Variants in ANO3 observed in about 807,000 individuals in gnomAD.
The protein encoded by ANO3 is anoctamin-3.
In ANO3, 99 loss-of-function variants were observed where a neutral mutation model predicts 144.8. The observed-to-expected ratio is 0.68, with a 90% CI of 0.58 to 0.81. ANO3 has a LOEUF of 0.81. Ranked by LOEUF, ANO3 falls within the 30% of genes least tolerant of loss-of-function variation. The pLI, the probability that ANO3 is intolerant of heterozygous loss-of-function variation, is 0.00. For synonymous variants in ANO3, 414 were observed against 392.6 expected (o/e 1.05, Z -0.64); for missense variants, 905 against 1,202.2 (o/e 0.75, Z 3.66).
intron 4 of ANO3, among the ~76,000 whole-genome samples, chr11:26,467,657 CT>C (rs71047851): frequency 7.8e-4 from 113 of 145,590 alleles, no homozygotes; most frequent in East Asian, 1.0e-3. Flanking sequence ...ATATGTTCCA[CT>C]TTTTTTTTTT....
rs779070256 is a variant in ANO3, at chr11:26,635,053, C to T, written c.2026C>T (p.Arg676Trp). Residue 676 changes from arginine to tryptophan, a missense_variant, in exon 20 of 27, where the codon CGG becomes TGG. Arg to Trp is a moderately radical substitution (Grantham distance 101). Around this residue, in one of 4 missense-constraint regions of ANO3, gnomAD observed 597 missense variants for 865.1 expected, o/e 0.69. Coordinates refer to ENST00000256737, the MANE Select transcript of ANO3 (RefSeq NM_031418.4). Reference protein sequence around the residue: ...HPGKYNKLFDRWRLEECHPSG... With the variant: ...HPGKYNKLFDWWRLEECHPSG... Reference sequence around the variant, plus strand: ...AGGAAAATACAATAAACTTTTTGACCGGTGGAGACTGGAGGAAGTAAGTAA... The same window carrying T: ...AGGAAAATACAATAAACTTTTTGACTGGTGGAGACTGGAGGAAGTAAGTAA... The T allele has an allele frequency of 1.2e-5, 20 of 1,613,196 alleles. No individual in the cohort carries two copies. Among genetic ancestry groups the T allele is most frequent in the East Asian group, 2.2e-5 (1 of 44,882 alleles).
chr11:26,408,289 A>T (rs1857341781), intron 1 of ANO3, among the ~76,000 whole-genome samples: 1 of 151,832 alleles, frequency 6.6e-6, no homozygotes, highest in African/African-American at 2.4e-5. Context: ...AAAAAAACAA[A>T]CAACCCCATC....
intron 1 of ANO3, among the ~76,000 whole-genome samples, chr11:26,424,110 C>T (rs1222430289): frequency 4.0e-5 from 6 of 151,770 alleles, no homozygotes; most frequent in African/African-American, 1.2e-4. Flanking sequence ...TATTTATCTC[C>T]AACTCGGATT....
At chr11:26,284,329 G>A (rs191209536) in intron 1 of ANO3, among the ~76,000 whole-genome samples, 6 of 152,278 alleles carry the variant, frequency 3.9e-5, no homozygotes, top group Non-Finnish European at 7.3e-5. Flanking sequence ...AATAAAACAC[G>A]AATTCCTAAT....
chr11:26,327,066 A>C (rs1033688153), intron 1 of ANO3, among the ~76,000 whole-genome samples: 3 of 152,242 alleles, frequency 2.0e-5, no homozygotes, highest in Non-Finnish European at 4.4e-5. Context: ...GTAAATTTCA[A>C]AGTGCAATTA....
chr11:26,321,202 C>T (rs1285781206), intron 1 of ANO3, among the ~76,000 whole-genome samples: 2 of 151,950 alleles, frequency 1.3e-5, no homozygotes, highest in Non-Finnish European at 2.9e-5. Context: ...CCTACTTGAT[C>T]CCTCCCCAAT....
At chr11:26,659,832 T>G (rs1024100891) in intron 26 of ANO3, among the ~76,000 whole-genome samples, 6 of 152,146 alleles carry the variant, frequency 3.9e-5, no homozygotes, top group African/African-American at 1.4e-4. Context: ...TGAGTTTGAG[T>G]CTAATGCTAG....
At chr11:26,529,532 G>T (rs1280885407) in intron 7 of ANO3, among the ~76,000 whole-genome samples, 4 of 136,308 alleles carry the variant, frequency 2.9e-5, no homozygotes, top group Non-Finnish European at 6.1e-5. Flanking sequence ...CTTGCTGCCT[G>T]CCCACTGCTA....
chr11:26,612,227 G>A (rs1428853474), intron 17 of ANO3, among the ~76,000 whole-genome samples: 1 of 151,866 alleles, frequency 6.6e-6, no homozygotes, highest in East Asian at 1.9e-4. Context: ...ATGGTTTTCT[G>A]TGGTGCTATG....
rs58028308 is a variant in ANO3 at position 26,223,602 on chromosome 11, TAA to T, written c.154+34291_154+34292del. On this transcript the variant is annotated intron_variant, in intron 1 of 27. Coordinates refer to the ANO3 transcript ENST00000672621. ...GTGCTAGTCCATTCTAGCTTTTTAATAAAAAAAAAAAAAAAAAAAACCCTGAG... is the reference window on the plus strand; with the variant it reads ...GTGCTAGTCCATTCTAGCTTTTTAATAAAAAAAAAAAAAAAAAACCCTGAG... 8.3e-3 allele frequency among the ~76,000 whole-genome samples: 867 copies of T among 103,886 alleles called. 7 individuals are homozygous for T. The highest frequency in any genetic ancestry group is 0.029 in the African/African-American group (804 of 27,614). 68.2% of individuals were successfully genotyped at this position (103,886 alleles called of 152,430 possible). A position where few individuals can be genotyped will look rare whatever the true frequency, so the allele number is the denominator to read the frequency against.
At position 26,628,881 on chromosome 11, in the gene ANO3, G is replaced by C. The variant is rs530003462; in HGVS notation, c.1873+4383G>C. ...TGTCTTCAGCCTTCTTCTCCTCTAT[G>C]TGCCTCTACCTGGCTAGCTTGCTTA... is the stretch of plus-strand genomic sequence containing the variant. On this transcript the variant is annotated intron_variant, in intron 18 of 26. Transcript: ENST00000256737. Among the ~76,000 whole-genome samples, 4 of 152,184 alleles carry C rather than the reference G, an allele frequency of 2.6e-5. No homozygotes were observed. The East Asian group carries it at 7.7e-4, about 29-fold the overall frequency.
At chr11:26,354,983 T>C (rs1855740898) in intron 1 of ANO3, among the ~76,000 whole-genome samples, 1 of 150,242 alleles carries the variant, frequency 6.7e-6, no homozygotes, top group Admixed American at 6.7e-5. Flanking sequence ...TAATGTTTTC[T>C]TGTACTCAAG....
At chr11:26,448,415 A>G (rs181156553) in intron 3 of ANO3, among the ~76,000 whole-genome samples, 3 of 152,314 alleles carry the variant, frequency 2.0e-5, no homozygotes, top group African/African-American at 4.8e-5. Context: ...CATTTTGCTA[A>G]TGTTATAAAA....
At chr11:26,559,888 C>A (rs1033798557) in intron 14 of ANO3, 109 bp downstream of exon 14, 12 of 807,204 alleles carry the variant, frequency 1.5e-5, no homozygotes, top group Non-Finnish European at 2.3e-5. Context: ...TGAATCAATT[C>A]AAAAATAAAG....
chr11:26,313,135 T>C (rs1388158152), intron 1 of ANO3, among the ~76,000 whole-genome samples: 2 of 152,282 alleles, frequency 1.3e-5, no homozygotes, highest in East Asian at 1.9e-4. Context: ...AGCATATCGA[T>C]GCAAAATATA....
chr11:26,455,686 T>C (rs1859125208), intron 3 of ANO3, among the ~76,000 whole-genome samples: 1 of 151,424 alleles, frequency 6.6e-6, no homozygotes, highest in South Asian at 2.1e-4. Context: ...CCCGTCAAGC[T>C]ACCAATGACT....
At chr11:26,411,610 T>G (rs1857434656) in intron 1 of ANO3, among the ~76,000 whole-genome samples, 1 of 151,914 alleles carries the variant, frequency 6.6e-6, no homozygotes, top group South Asian at 2.1e-4. Flanking sequence ...GCCAGTATCA[T>G]CTCCAAGTGA....
At chr11:26,334,248 G>C (rs908474772) in intron 1 of ANO3, among the ~76,000 whole-genome samples, 11 of 152,192 alleles carry the variant, frequency 7.2e-5, no homozygotes, top group African/African-American at 2.7e-4. Context: ...GGAGTACTCC[G>C]GTAGGAAGGA....
At chr11:26,613,146 C>T (rs1398410255) in intron 17 of ANO3, among the ~76,000 whole-genome samples, 1 of 152,088 alleles carries the variant, frequency 6.6e-6, no homozygotes. Flanking sequence ...CATTTGTTCA[C>T]TTAATGGTGT....
Sources: allele counts gnomAD v4.1 joint callset (sites outside exome capture counted in the v4.1 genomes callset), GRCh38; gene constraint gnomAD v4.1.1; regional missense constraint gnomAD v4.1.1; transcripts MANE v1.5; gene names NCBI Gene and HGNC (gene_info 2026-07-23, HGNC 2026-07-21).